Variants in B3GALT1 observed in about 807,000 individuals in gnomAD.
B3GALT1 encodes UDP-Gal:betaGlcNAc beta 1,3-galactosyltransferase, polypeptide 1.
B3GALT1 carries 10 observed loss-of-function variants against 23.2 expected under a neutral mutation model. The observed-to-expected ratio is 0.43, with a 90% CI of 0.27 to 0.73. The LOEUF (loss-of-function observed/expected upper bound fraction) is 0.73. B3GALT1 is among the 30% of genes least tolerant of loss of function. The probability of loss-of-function intolerance (pLI) is 0.21; values close to 1 mark genes in which losing one functional copy is unlikely to be tolerated. For missense variants in B3GALT1, 299 were observed against 405.4 expected (o/e 0.74, Z 2.25); for synonymous variants, 156 against 141.5 (o/e 1.10, Z -0.73).
In B3GALT1 at chr2:167,869,463, G is replaced by T. The variant is rs758810298; in HGVS notation, c.424G>T (p.Val142Leu). 2 of 1,613,684 alleles carry T rather than the reference G, an allele frequency of 1.2e-6. No individual in the cohort carries two copies. Among genetic ancestry groups the T allele is most frequent in the Non-Finnish European group, 8.5e-7 (1 of 1,179,742 alleles). ...GAGCCAAATCTTCCATGATATCATCGTGGAGGACTTTATTGACTCCTACCA... is the reference window on the plus strand; with the variant it reads ...GAGCCAAATCTTCCATGATATCATCTTGGAGGACTTTATTGACTCCTACCA... The part of the protein sequence containing the change: ...QESQIFHDII[V>L]EDFIDSYHNL... Residue 142 changes from valine (V) to leucine (L), a missense_variant, in exon 5 of 5, where the codon GTG becomes TTG. Val to Leu is a conservative substitution (Grantham distance 32, BLOSUM62 1). Coordinates refer to ENST00000392690, the MANE Select transcript of B3GALT1 (RefSeq NM_020981.4). The surrounding 1 kb of genome is among the most constrained non-coding windows in gnomAD (Gnocchi z 6.4).
intron 3 of B3GALT1, among the ~76,000 whole-genome samples, chr2:167,662,588 C>G (rs1686079667): frequency 6.6e-6 from 1 of 152,130 alleles, no homozygotes; most frequent in Non-Finnish European, 1.5e-5. Context: ...TCCACCTTGT[C>G]CCTTAAGGTC....
chr2:167,771,818 C>T (rs546121970), intron 3 of B3GALT1, among the ~76,000 whole-genome samples: 5 of 152,146 alleles, frequency 3.3e-5, no homozygotes, highest in South Asian at 2.1e-4. Flanking sequence ...GGGATGGGGA[C>T]GAGGCAGAGG....
intron 3 of B3GALT1, among the ~76,000 whole-genome samples, chr2:167,708,272 C>T (rs1337721400): frequency 6.6e-6 from 1 of 152,222 alleles, no homozygotes; most frequent in East Asian, 1.9e-4. Context: ...CTTAAAGTTA[C>T]ACTTTAGACA....
chr2:167,380,940 G>A (rs1697839837), intron 1 of B3GALT1, among the ~76,000 whole-genome samples: 1 of 152,136 alleles, frequency 6.6e-6, no homozygotes, highest in Non-Finnish European at 1.5e-5. Context: ...TTTCCTTCTT[G>A]AATTAAGAGA....
At chr2:167,308,623 AG>A (rs1238658359) in intron 1 of B3GALT1, among the ~76,000 whole-genome samples, 3 of 151,972 alleles carry the variant, frequency 2.0e-5, no homozygotes, top group African/African-American at 7.2e-5. Context: ...TTTTTTTTGA[AG>A]GGTATAGGTG....
At chr2:167,653,502 G>C (rs1195447475) in intron 3 of B3GALT1, among the ~76,000 whole-genome samples, 3 of 152,146 alleles carry the variant, frequency 2.0e-5, no homozygotes, top group Non-Finnish European at 2.9e-5. Flanking sequence ...AACGTTAAAA[G>C]ATAGAAATTG....
chr2:167,826,740 A>G (rs1010362287), intron 4 of B3GALT1, among the ~76,000 whole-genome samples: 4 of 152,204 alleles, frequency 2.6e-5, no homozygotes, highest in Non-Finnish European at 4.4e-5. Flanking sequence ...TGTAAAAGAG[A>G]AACAATAAAA....
chr2:167,337,444 C>G (rs933902852), intron 1 of B3GALT1, among the ~76,000 whole-genome samples: 3 of 152,088 alleles, frequency 2.0e-5, no homozygotes, highest in Admixed American at 2.0e-4. Context: ...CTTTGGCTTT[C>G]TGAGGAAATA....
At chr2:167,654,802 T>C (rs536335800) in intron 3 of B3GALT1, among the ~76,000 whole-genome samples, 4 of 10,516 alleles carry the variant, frequency 3.8e-4, no homozygotes, top group African/African-American at 5.2e-4. Flanking sequence ...AGCCTCTTTC[T>C]TTTTTTTTTT....
chr2:167,634,468 A>C (rs1685513175), intron 2 of B3GALT1, among the ~76,000 whole-genome samples: 1 of 152,176 alleles, frequency 6.6e-6, no homozygotes, highest in Non-Finnish European at 1.5e-5. Flanking sequence ...AGAATAAAGA[A>C]GAAAAGAGAG....
intron 1 of B3GALT1, among the ~76,000 whole-genome samples, chr2:167,311,728 A>C (rs1267317509): frequency 6.6e-6 from 1 of 152,190 alleles, no homozygotes; most frequent in East Asian, 1.9e-4. Flanking sequence ...TCACTGAATG[A>C]GTTTAATGGT....
At chr2:167,825,726 T>G (rs992376674) in intron 4 of B3GALT1, among the ~76,000 whole-genome samples, 9 of 152,164 alleles carry the variant, frequency 5.9e-5, no homozygotes, top group South Asian at 4.2e-4. Context: ...TGAGAGACAC[T>G]GTGATTGTGC....
In B3GALT1 at chr2:167,868,842, C is replaced by T. The variant is rs1194195071; in HGVS notation, c.-198C>T. 1.8e-6 allele frequency: 1 copy of T among 569,164 alleles called. No homozygotes were observed. Among genetic ancestry groups the T allele is most frequent in the Admixed American group, 3.3e-5 (1 of 30,416 alleles). The allele number at this position is 569,164 out of a possible 1,614,324, so 35.3% of individuals were successfully genotyped here. On this transcript the variant is annotated 5_prime_UTR_variant, in exon 5 of 5. Transcript: ENST00000392690. ...GAGGAAGATTTATGAGTCATGGAAC[C>T]CTCCATCAGATTTGGAAGAAAGTAG... is the stretch of plus-strand genomic sequence containing the variant.
intron 3 of B3GALT1, among the ~76,000 whole-genome samples, chr2:167,723,282 G>A (rs1414590519): frequency 6.6e-6 from 1 of 152,186 alleles, no homozygotes. Flanking sequence ...TAGAACTGGT[G>A]ATTATTGATG....
chr2:167,343,986 A>G (rs2617368), intron 1 of B3GALT1, among the ~76,000 whole-genome samples: 132,326 of 152,144 alleles, frequency 0.87, 57,764 homozygotes, highest in Middle Eastern at 0.93. Flanking sequence ...CCTTGCCTCC[A>G]GAGAAAGAAA....
intron 4 of B3GALT1, among the ~76,000 whole-genome samples, chr2:167,860,615 A>G (rs1690079405): frequency 6.6e-6 from 1 of 152,192 alleles, no homozygotes; most frequent in Non-Finnish European, 1.5e-5. Context: ...TATTCTGAGT[A>G]CTAGTTTGAG....
chr2:167,424,057 T>C (rs970359340), intron 1 of B3GALT1, among the ~76,000 whole-genome samples: 16 of 152,166 alleles, frequency 1.1e-4, no homozygotes, highest in Non-Finnish European at 5.9e-5. Flanking sequence ...TGCTTTCAAA[T>C]GTCCAGATGC....
intron 4 of B3GALT1, among the ~76,000 whole-genome samples, chr2:167,835,482 G>C (rs1285938582): frequency 6.6e-6 from 1 of 152,242 alleles, no homozygotes; most frequent in Non-Finnish European, 1.5e-5. Context: ...GCTGGGGGAG[G>C]GGCACCCACC....
chr2:167,390,806 G>GAATT (rs1698006593), intron 1 of B3GALT1, among the ~76,000 whole-genome samples: 1 of 152,178 alleles, frequency 6.6e-6, no homozygotes, highest in East Asian at 1.9e-4. Flanking sequence ...ATGAATGAAT[G>GAATT]AATGAATGAG....
Sources: gnomAD v4.1 joint callset for allele counts (sites outside exome capture counted in the v4.1 genomes callset) on GRCh38, gnomAD v4.1.1 for gene constraint, Gnocchi (gnomAD v3.1) non-coding constraint, MANE v1.5 for transcripts, NCBI Gene and HGNC (gene_info 2026-07-23, HGNC 2026-07-21) for gene names.